The following ZNF217 variants were observed in gnomAD, a reference collection of about 807,000 sequenced individuals.
ZNF217 encodes the protein zinc finger protein 217.
Under a neutral mutation model 73.3 loss-of-function variants are expected in ZNF217, and 12 were observed. The ratio of observed to expected loss-of-function variants is 0.16; its 90% CI spans 0.10 to 0.27. The LOEUF is 0.27. Among genes scored for constraint, ZNF217 ranks in the 10% least tolerant of loss-of-function variants. ZNF217 has a pLI of 1.00. For synonymous variants in ZNF217, 588 were observed against 516.4 expected (o/e 1.14, Z -1.88); for missense variants, 1,195 against 1,327.8 (o/e 0.90, Z 1.55).
chr20:53,573,783 C>T (rs1223140625), intron 4 of ZNF217, among the ~76,000 whole-genome samples: 1 of 152,184 alleles, frequency 6.6e-6, no homozygotes, highest in Non-Finnish European at 1.5e-5. Flanking sequence ...TAAATCATCT[C>T]TACACTGCTG....
At chr20:53,585,913 GC>G (rs1444718134) in intron 1 of ZNF217, among the ~76,000 whole-genome samples, 3 of 152,104 alleles carry the variant, frequency 2.0e-5, no homozygotes, top group Non-Finnish European at 2.9e-5. Flanking sequence ...CTCCAGGAAA[GC>G]TTCTGAGACT....
chr20:53,571,729 C>T lies in ZNF217; in HGVS notation c.*15G>A, dbSNP rs1436272700. 1 of 1,604,692 alleles carries T rather than the reference C, an allele frequency of 6.2e-7. No homozygotes were observed. Among genetic ancestry groups the T allele is most frequent in the South Asian group, 1.1e-5 (1 of 88,768 alleles). The stretch of plus-strand genomic sequence containing the variant: ...TTGAAACATATGCTCACCTTTTTTC[C>T]CCCTAATTAGTGAATCAAGTTTTTT... On this transcript the variant is annotated 3_prime_UTR_variant, in exon 5 of 6. Coordinates refer to ENST00000371471, the MANE Select transcript of ZNF217 (RefSeq NM_006526.3).
At position 53,576,094 on chromosome 20, in the gene ZNF217, G is replaced by A. The variant is rs747446208; in HGVS notation, c.2670C>T (p.Ser890=). The A allele has an allele frequency of 1.2e-6, 2 of 1,614,230 alleles. No homozygotes were observed. The highest frequency in any genetic ancestry group is 8.5e-7 in the Non-Finnish European group (1 of 1,180,034). ...GSIDYPAKND[S]PWAPPGRDYF... Reference sequence around the variant, plus strand: ...AGTCTCTTCCCGGAGGTGCCCACGGGCTGTCGTTCTTGGCGGGGTAGTCGA... The same window carrying A: ...AGTCTCTTCCCGGAGGTGCCCACGGACTGTCGTTCTTGGCGGGGTAGTCGA... Residue 890 remains serine, a synonymous_variant, in exon 4 of 6, where the codon AGC becomes AGT. Transcript: ENST00000371471.
upstream of ZNF217, among the ~76,000 whole-genome samples, chr20:53,595,298 C>G (rs1324319980): frequency 2.0e-5 from 3 of 152,192 alleles, no homozygotes; most frequent in East Asian, 5.8e-4. Context: ...CAAGTCGCTA[C>G]TAACAAAATA....
intron 1 of ZNF217, among the ~76,000 whole-genome samples, chr20:53,589,298 C>G (rs1385379902): frequency 6.6e-6 from 1 of 152,204 alleles, no homozygotes; most frequent in Non-Finnish European, 1.5e-5. Context: ...TCTCATACAA[C>G]TTCTTCAGCT....
upstream of ZNF217, among the ~76,000 whole-genome samples, chr20:53,594,575 C>T (rs1455874567): frequency 6.6e-6 from 1 of 151,902 alleles, no homozygotes; most frequent in East Asian, 1.9e-4. Context: ...CCCCTCCTCC[C>T]GCCATCCGGC....
intron 1 of ZNF217, among the ~76,000 whole-genome samples, chr20:53,587,389 A>G (rs1988733152): frequency 6.6e-6 from 1 of 152,220 alleles, no homozygotes; most frequent in African/African-American, 2.4e-5. Flanking sequence ...ACAACTAACT[A>G]GGTACAACAG....
At chr20:53,584,011 T>G (rs1568689399) in intron 1 of ZNF217, among the ~76,000 whole-genome samples, 1 of 152,260 alleles carries the variant, frequency 6.6e-6, no homozygotes, top group Non-Finnish European at 1.5e-5. Context: ...GCTTAGTCTT[T>G]CATCAGAAAA....
In ZNF217 at chr20:53,571,831, T is replaced by C. The variant is rs990874714; in HGVS notation, c.3060A>G (p.Gln1020=). The change falls in exon 5 of 6, where the codon CAA becomes CAG. Residue 1020 remains glutamine, a synonymous_variant. Coordinates refer to ENST00000371471, the MANE Select transcript of ZNF217 (RefSeq NM_006526.3). ...TTTGTGCCATGCTGTTAGATAAGTG[T>C]TGATATGACACAGGCCTTTTTCCTG... ...TLEGKRPVSY[Q]HLSNSMAQKR... is the part of the protein sequence containing the mutation. 24 of 1,611,064 alleles carry C rather than the reference T, an allele frequency of 1.5e-5. No homozygotes were observed. Among genetic ancestry groups the C allele is most frequent in the Non-Finnish European group, 2.0e-5 (24 of 1,179,186 alleles).
At position 53,576,206 on chromosome 20, in the gene ZNF217, T is replaced by C. The variant is rs1276287957; in HGVS notation, c.2558A>G (p.Lys853Arg). 1.9e-6 allele frequency: 3 copies of C among 1,614,134 alleles called. No individual in the cohort carries two copies. The highest frequency in any genetic ancestry group is 1.6e-4 in the Middle Eastern group (1 of 6,084). Reference protein sequence around the residue: ...PKTSVSPAPDKTKRPETKLKP... With the variant: ...PKTSVSPAPDRTKRPETKLKP... ...CAATTTTGTCTCGGGTCTTTTTGTCTTATCCGGTGCAGGGGAAACACTGGT... is the reference window on the plus strand; with the variant it reads ...CAATTTTGTCTCGGGTCTTTTTGTCCTATCCGGTGCAGGGGAAACACTGGT... Residue 853 changes from lysine to arginine, a missense_variant, in exon 4 of 6, where the codon AAG (lysine) becomes AGG (arginine). This residue lies in a region of ZNF217 where 649 missense variants were observed against 642.8 expected (regional missense o/e 1.01). Transcript: ENST00000371471.
intron 1 of ZNF217, among the ~76,000 whole-genome samples, chr20:53,584,827 T>G (rs1988632241): frequency 6.6e-6 from 1 of 152,200 alleles, no homozygotes; most frequent in Non-Finnish European, 1.5e-5. Flanking sequence ...ATTTGCTTAT[T>G]CAACAAGTAT....
chr20:53,595,046 C>CAAAA (rs55752265), upstream of ZNF217, among the ~76,000 whole-genome samples: 361 of 105,192 alleles, frequency 3.4e-3, 8 homozygotes, highest in Admixed American at 0.01. Flanking sequence ...AAAAAAGGGA[C>CAAAA]AAAAAAAAAA....
intron 5 of ZNF217, chr20:53,570,414 C>T (rs926297258): frequency 2.0e-5 from 3 of 153,044 alleles, no homozygotes; most frequent in African/African-American, 7.2e-5. Flanking sequence ...TCCTAGCAGC[C>T]AGCAGGCACT....
rs1209238595 is a variant in ZNF217, at chr20:53,581,217, T to A, written c.1366+244A>T. Among the ~76,000 whole-genome samples the A allele has an allele frequency of 6.6e-6, 1 of 152,034 alleles. No individual in the cohort carries two copies. Among genetic ancestry groups the A allele is most frequent in the Non-Finnish European group, 1.5e-5 (1 of 68,006 alleles). On this transcript the variant is annotated intron_variant, in intron 2 of 5. Transcript: ENST00000371471. This position sits in a 1 kb window ranked among gnomAD's most constrained non-coding sequence, Gnocchi z 4.9. ...CAAAACGATACACGTTTAAAAAATATATATATATTTTCAGAACAAGGAGAC... is the reference window on the plus strand; with the variant it reads ...CAAAACGATACACGTTTAAAAAATAAATATATATTTTCAGAACAAGGAGAC...
chr20:53,575,534 C>T, intron 4 of ZNF217, 193 bp downstream of exon 4: 1 of 557,658 alleles, frequency 1.8e-6, no homozygotes, highest in Non-Finnish European at 3.1e-6. Flanking sequence ...AGAGTTAAAC[C>T]CACAGAGTTA....
At chr20:53,587,078 A>AC (rs1361160305) in intron 1 of ZNF217, among the ~76,000 whole-genome samples, 1 of 152,064 alleles carries the variant, frequency 6.6e-6, no homozygotes, top group Non-Finnish European at 1.5e-5. Context: ...TAACTCATAT[A>AC]CCCCCTAACA....
Position 53,569,361 on chromosome 20 carries a change from G to C in ZNF217, c.*24-97C>G, listed in dbSNP as rs113306188. 4.7e-4 allele frequency: 408 copies of C among 874,114 alleles called. 3 individuals are homozygous for C. In the African/African-American group the frequency reaches 6.7e-3, roughly 14 times the overall value. 54.1% of individuals were successfully genotyped at this position (874,114 alleles called of 1,614,324 possible). ...AAAGCGTAATACATAGAACCAAACT[G>C]ACCTAGAAATGCAATGGGTTCTATT... On this transcript the variant is annotated intron_variant, in intron 5 of 5. Coordinates refer to ENST00000371471, the MANE Select transcript of ZNF217 (RefSeq NM_006526.3).
intron 4 of ZNF217, 40 bp downstream of exon 4, chr20:53,575,687 T>A: frequency 1.3e-6 from 2 of 1,513,672 alleles, no homozygotes; most frequent in South Asian, 2.6e-5. Flanking sequence ...TATTAATCAC[T>A]GTAGGCAGCC....
chr20:53,590,478 C>T (rs1458786576), intron 1 of ZNF217, among the ~76,000 whole-genome samples: 4 of 152,220 alleles, frequency 2.6e-5, no homozygotes, highest in African/African-American at 9.6e-5. Flanking sequence ...CAATCATTTA[C>T]TTTCAAATAG....
Sources: gnomAD v4.1 joint callset for allele counts (sites outside exome capture counted in the v4.1 genomes callset) on GRCh38, gnomAD v4.1.1 for gene constraint, gnomAD v4.1.1 regional missense constraint, Gnocchi (gnomAD v3.1) non-coding constraint, MANE v1.5 for transcripts, NCBI Gene and HGNC (gene_info 2026-07-23, HGNC 2026-07-21) for gene names.